The following ARTN variants were observed in gnomAD, a reference collection of about 807,000 sequenced individuals.
ARTN encodes the protein artemin, also known as neublastin.
A neutral mutation model predicts 15.4 loss-of-function variants in ARTN; 9 were observed. The observed-to-expected ratio is 0.58, with a 90% confidence interval of 0.35 to 1.02. The LOEUF (loss-of-function observed/expected upper bound fraction) is 1.02. Among genes scored for constraint, ARTN ranks in the 50% least tolerant of loss-of-function variants. ARTN has a pLI of 0.02. For missense variants in ARTN, 284 were observed against 327.9 expected (o/e 0.87, Z 1.03); for synonymous variants, 163 against 155.8 (o/e 1.05, Z -0.35).
chr1:43,935,607 TGGGG>T lies in ARTN; in HGVS notation c.-48_-45del. ...TTTGCAAGCTGCCTCAACAGGAGGGTGGGGGAACAGCTCAACAATGGCTGATGGG... is the reference window on the plus strand; with the variant it reads ...TTTGCAAGCTGCCTCAACAGGAGGGTGAACAGCTCAACAATGGCTGATGGG... On this transcript the variant is annotated 5_prime_UTR_variant, in exon 3 of 5. Transcript: ENST00000372359. 1 of 1,587,448 alleles carries T rather than the reference TGGGG, an allele frequency of 6.3e-7. No individual in the cohort carries two copies. Among genetic ancestry groups the T allele is most frequent in the Non-Finnish European group, 8.6e-7 (1 of 1,163,496 alleles).
chr1:43,934,760 G>A (rs2085073590), intron 2 of ARTN, among the ~76,000 whole-genome samples: 1 of 152,184 alleles, frequency 6.6e-6, no homozygotes, highest in South Asian at 2.1e-4. Flanking sequence ...GAGGCTGGGA[G>A]GGGGACAGAC....
rs145158585 is a variant in ARTN, at chr1:43,936,109, C to T, written c.77C>T (p.Thr26Ile). Reference protein sequence around the residue: ...WPRQQPALWPTLAALALLSSV... With the variant: ...WPRQQPALWPILAALALLSSV... ...TCCGCGCAGCCTGCCCTGTGGCCCA[C>T]CCTGGCCGCTCTGGCTCTGCTGAGC... Residue 26 changes from threonine (T) to isoleucine (I), a missense_variant, in exon 4 of 5, where the codon ACC becomes ATC. Transcript: ENST00000372359. This position sits in a 1 kb window ranked among gnomAD's most constrained non-coding sequence, Gnocchi z 6.6. The T allele has an allele frequency of 1.8e-4, 297 of 1,610,132 alleles. No homozygotes were observed. In the African/African-American group the frequency reaches 3.5e-3, roughly 19 times the overall value.
At position 43,936,208 on chromosome 1, in the gene ARTN, C is replaced by T; in HGVS notation, c.176C>T (p.Ala59Val). The T allele has an allele frequency of 6.7e-7, 1 of 1,489,404 alleles. No individual in the cohort carries two copies. The highest frequency in any genetic ancestry group is 8.9e-7 in the Non-Finnish European group (1 of 1,128,174). The allele number at this position is 1,489,404 out of a possible 1,614,324, so 92.3% of individuals were successfully genotyped here. A position where few individuals can be genotyped will look rare whatever the true frequency, so the allele number is the denominator to read the frequency against. ...APREGPPPVL[A>V]SPAGHLPGGR... The stretch of plus-strand genomic sequence containing the variant: ...CGCGAAGGCCCCCCGCCTGTCCTGG[C>T]GTCCCCCGCCGGCCACCTGCCGGGT... The change falls in exon 4 of 5, where the codon GCG becomes GTG. Residue 59 changes from alanine to valine, a missense_variant. Ala to Val is a moderately conservative substitution (Grantham distance 64). Transcript: ENST00000372359. This position sits in a 1 kb window ranked among gnomAD's most constrained non-coding sequence, Gnocchi z 6.6.
Position 43,936,173 on chromosome 1 carries a change from C to T in ARTN, c.141C>T (p.Ser47=). 6.5e-7 allele frequency: 1 copy of T among 1,548,542 alleles called. No homozygotes were observed. The highest frequency in any genetic ancestry group is 8.7e-7 in the Non-Finnish European group (1 of 1,152,920). The change falls in exon 4 of 5, where the codon AGC becomes AGT. Residue 47 remains serine (S), a synonymous_variant. Coordinates refer to ENST00000372359, the MANE Select transcript of ARTN (RefSeq NM_057091.3). This position sits in a 1 kb window ranked among gnomAD's most constrained non-coding sequence, Gnocchi z 6.6. ...CCTCCCTGGGCTCCGCGCCCCGCAG[C>T]CCTGCCCCCCGCGAAGGCCCCCCGC... is the stretch of plus-strand genomic sequence containing the variant. ...AEASLGSAPR[S]PAPREGPPPV... is the part of the protein sequence containing the mutation.
In ARTN at chr1:43,935,821, A is replaced by G. The variant is rs148958596; in HGVS notation, c.60+105A>G. The G allele has an allele frequency of 2.5e-4, 300 of 1,185,900 alleles. No individual in the cohort carries two copies. In the African/African-American group the frequency reaches 4.1e-3, roughly 16 times the overall value. The allele number at this position is 1,185,900 out of a possible 1,614,324, so 73.5% of individuals were successfully genotyped here. A position where few individuals can be genotyped will look rare whatever the true frequency, so the allele number is the denominator to read the frequency against. On this transcript the variant is annotated intron_variant, in intron 3 of 4. Coordinates refer to ENST00000372359, the MANE Select transcript of ARTN (RefSeq NM_057091.3). ...GGGCAGCGGTTAGGTGTGGGAGGGA[A>G]AATGGTCAGGGAGGGACCAGGTGAA...
chr1:43,934,786 G>C (rs528503445), intron 2 of ARTN, among the ~76,000 whole-genome samples: 33 of 152,276 alleles, frequency 2.2e-4, no homozygotes, highest in Non-Finnish European at 4.0e-4. Flanking sequence ...CCAGCTCCCA[G>C]GGTGGCTCAG....
Position 43,936,466 on chromosome 1 carries a change from G to T in ARTN, c.364G>T (p.Gly122Cys). ...GSRARAAGAR[G>C]CRLRSQLVPV... is the part of the protein sequence containing the mutation. The stretch of plus-strand genomic sequence containing the variant: ...CCGCGCTCGGGCAGCGGGGGCGCGG[G>T]GCTGCCGCCTGCGCTCGCAGCTGGT... Residue 122 changes from glycine (G) to cysteine (C), a missense_variant, in exon 5 of 5, where the codon GGC becomes TGC. Physicochemically the swap from Gly to Cys is radical, Grantham distance 159 (BLOSUM62 -3). Transcript: ENST00000372359. This position sits in a 1 kb window ranked among gnomAD's most constrained non-coding sequence, Gnocchi z 6.6. 8.2e-7 allele frequency: 1 copy of T among 1,225,030 alleles called. No homozygotes were observed. The highest frequency in any genetic ancestry group is 3.5e-5 in the East Asian group (1 of 28,220). The allele number at this position is 1,225,030 out of a possible 1,614,324, so 75.9% of individuals were successfully genotyped here.
rs1192679845 is a variant in ARTN, at chr1:43,934,271, G to A, written c.-68+11G>A. ...GTGCAGGACCCCGTGGTGAGTAGCGGGCTGGTGGATGGGGAGGCAAGGGCC... is the reference window on the plus strand; with the variant it reads ...GTGCAGGACCCCGTGGTGAGTAGCGAGCTGGTGGATGGGGAGGCAAGGGCC... On this transcript the variant is annotated intron_variant, in intron 2 of 4. Transcript: ENST00000372359. 6.5e-6 allele frequency: 1 copy of A among 153,398 alleles called. No individual in the cohort carries two copies. Among genetic ancestry groups the A allele is most frequent in the East Asian group, 1.9e-4 (1 of 5,212 alleles). 9.5% of individuals were successfully genotyped at this position (153,398 alleles called of 1,614,324 possible). A position where few individuals can be genotyped will look rare whatever the true frequency, so the allele number is the denominator to read the frequency against.
chr1:43,935,957 T>C lies in ARTN; in HGVS notation c.61-136T>C, dbSNP rs756408071. ...ACTGGAACCTAGGCCCTTCCTGAGT[T>C]TCCCCTCCACACAGCTAGGAGCCCA... On this transcript the variant is annotated intron_variant, in intron 3 of 4. Transcript: ENST00000372359. The C allele has an allele frequency of 7.9e-6, 10 of 1,269,228 alleles. No homozygotes were observed. The East Asian group carries it at 1.4e-4, about 18-fold the overall frequency. The allele number at this position is 1,269,228 out of a possible 1,614,324, so 78.6% of individuals were successfully genotyped here. A position where few individuals can be genotyped will look rare whatever the true frequency, so the allele number is the denominator to read the frequency against.
rs1359611283 is a variant in ARTN, at chr1:43,936,229, C to T, written c.197C>T (p.Pro66Leu). Residue 66 changes from proline (P) to leucine (L), a missense_variant and splice_region_variant, in exon 4 of 5, where the codon CCG becomes CTG. Pro to Leu is a moderately conservative substitution (Grantham distance 98, BLOSUM62 -3). Coordinates refer to ENST00000372359, the MANE Select transcript of ARTN (RefSeq NM_057091.3). This position sits in a 1 kb window ranked among gnomAD's most constrained non-coding sequence, Gnocchi z 6.6. ...CTGGCGTCCCCCGCCGGCCACCTGC[C>T]GGGTAGGTGAGAGGGCGAGGGGGCG... ...PVLASPAGHL[P>L]GGRTARWCSG... The T allele has an allele frequency of 6.8e-7, 1 of 1,465,728 alleles. No homozygotes were observed. 90.8% of individuals were successfully genotyped at this position (1,465,728 alleles called of 1,614,324 possible).
At chr1:43,935,008 C>T (rs1407479182) in intron 2 of ARTN, among the ~76,000 whole-genome samples, 2 of 152,166 alleles carry the variant, frequency 1.3e-5, no homozygotes, top group Non-Finnish European at 2.9e-5. Context: ...CTGTGGTCAT[C>T]GAGGGACACC....
chr1:43,936,053 CCTCT>C lies in ARTN; in HGVS notation c.61-39_61-36del. ...TTCCTCCCCAAGCCCACCTGGGTGC[CCTCT>C]TTCTCCCTGAGGCTCCACTTGGTCT... On this transcript the variant is annotated intron_variant, in intron 3 of 4. Transcript: ENST00000372359. This position sits in a 1 kb window ranked among gnomAD's most constrained non-coding sequence, Gnocchi z 6.6. 6.2e-7 allele frequency: 1 copy of C among 1,613,626 alleles called. No individual in the cohort carries two copies. The highest frequency in any genetic ancestry group is 8.5e-7 in the Non-Finnish European group (1 of 1,179,938).
chr1:43,934,546 C>G (rs890449220), intron 2 of ARTN: 8 of 152,580 alleles, frequency 5.2e-5, no homozygotes, highest in South Asian at 2.1e-4. Context: ...GGTGTGCAGG[C>G]ATTCTGTGTG....
chr1:43,935,555 C>G (rs1378448556), intron 2 of ARTN, 35 bp from the exon 3 acceptor site: 2 of 1,260,324 alleles, frequency 1.6e-6, no homozygotes, highest in Non-Finnish European at 2.2e-6. Context: ...CAGGCCGGTC[C>G]CCCACAAAAG....
chr1:43,936,410 G>A lies in ARTN; in HGVS notation c.308G>A (p.Gly103Asp). The A allele has an allele frequency of 8.5e-7, 1 of 1,171,122 alleles. No individual in the cohort carries two copies. Among genetic ancestry groups the A allele is most frequent in the Non-Finnish European group, 1.1e-6 (1 of 949,686 alleles). The allele number at this position is 1,171,122 out of a possible 1,614,324, so 72.5% of individuals were successfully genotyped here. ...CCCCCATCTGCTCTTCCCCGCGGGG[G>A]CCGCGCGGCGCGGGCTGGGGGCCCG... ...PAPPSALPRG[G>D]RAARAGGPGS... Residue 103 changes from glycine (G) to aspartate (D), a missense_variant, in exon 5 of 5, where the codon GGC (glycine) becomes GAC (aspartate). Coordinates refer to ENST00000372359, the MANE Select transcript of ARTN (RefSeq NM_057091.3). The surrounding 1 kb of genome is among the most constrained non-coding windows in gnomAD (Gnocchi z 6.6).
intron 2 of ARTN, 111 bp from the exon 3 acceptor site, chr1:43,935,479 C>A: frequency 1.6e-6 from 1 of 629,440 alleles, no homozygotes; most frequent in Non-Finnish European, 2.8e-6. Context: ...CCCAGTGCAG[C>A]TACTTCTGCT....
intron 2 of ARTN, among the ~76,000 whole-genome samples, chr1:43,934,724 G>A (rs763712929): frequency 6.6e-6 from 1 of 152,152 alleles, no homozygotes; most frequent in Non-Finnish European, 1.5e-5. Context: ...ACTTCTAGGA[G>A]CATGACTAGG....
rs757336763 is a variant in ARTN, at chr1:43,936,079, G to A, written c.61-14G>A. 1.9e-6 allele frequency: 3 copies of A among 1,612,882 alleles called. No homozygotes were observed. The highest frequency in any genetic ancestry group is 1.7e-5 in the Admixed American group (1 of 59,988). On this transcript the variant is annotated splice_polypyrimidine_tract_variant and intron_variant, in intron 3 of 4. Transcript: ENST00000372359. The surrounding 1 kb of genome is among the most constrained non-coding windows in gnomAD (Gnocchi z 6.6). ...CTCTTTCTCCCTGAGGCTCCACTTGGTCTCTCCGCGCAGCCTGCCCTGTGG... is the reference window on the plus strand; with the variant it reads ...CTCTTTCTCCCTGAGGCTCCACTTGATCTCTCCGCGCAGCCTGCCCTGTGG...
intron 2 of ARTN, among the ~76,000 whole-genome samples, chr1:43,934,974 A>G (rs1256298120): frequency 2.0e-5 from 3 of 152,164 alleles, no homozygotes; most frequent in Admixed American, 2.0e-4. Flanking sequence ...CAGAGGGCCC[A>G]TTAGCTCCCA....
Sources: gnomAD v4.1 joint callset for allele counts (sites outside exome capture counted in the v4.1 genomes callset) on GRCh38, gnomAD v4.1.1 for gene constraint, Gnocchi (gnomAD v3.1) non-coding constraint, MANE v1.5 for transcripts, NCBI Gene and HGNC (gene_info 2026-07-23, HGNC 2026-07-21) for gene names.